SHANK2: variants seen among roughly 807,000 people sequenced by gnomAD.
SHANK2 encodes the protein SH3 and multiple ankyrin repeat domains protein 2.
Under a neutral mutation model 133.7 loss-of-function variants are expected in SHANK2, and 43 were observed. The ratio of observed to expected loss-of-function variants is 0.32; its 90% CI spans 0.25 to 0.41. The LOEUF is 0.41. Among genes scored for constraint, SHANK2 ranks in the 10% least tolerant of loss-of-function variants. The pLI, the probability that SHANK2 is intolerant of heterozygous loss-of-function variation, is 1.00. For missense variants in SHANK2, 1,994 were observed against 2,235.8 expected, an observed-to-expected ratio of 0.89 and a Z score of 2.18; for synonymous variants, 1,017 against 952.8, an observed-to-expected ratio of 1.07 and a Z score of -1.24.
intron 10 of SHANK2, among the ~76,000 whole-genome samples, chr11:70,934,205 C>T (rs1403879580): frequency 7.0e-6 from 1 of 142,136 alleles, no homozygotes; most frequent in Admixed American, 7.5e-5. Context: ...GCACTCCAGC[C>T]TGGGCAACAG....
intron 11 of SHANK2, among the ~76,000 whole-genome samples, chr11:70,875,723 C>T (rs748926797): frequency 3.3e-5 from 5 of 151,944 alleles, no homozygotes; most frequent in African/African-American, 1.2e-4. Context: ...GGTGTGGTGA[C>T]GCATACCTGT....
chr11:71,190,799 C>G (rs1953777836), intron 2 of SHANK2, among the ~76,000 whole-genome samples: 1 of 152,220 alleles, frequency 6.6e-6, no homozygotes, highest in South Asian at 2.1e-4. Flanking sequence ...CCTGCACGAA[C>G]CCATCATTTC....
At chr11:70,551,926 C>T (rs536768727) in intron 17 of SHANK2, among the ~76,000 whole-genome samples, 4 of 152,320 alleles carry the variant, frequency 2.6e-5, no homozygotes, top group South Asian at 2.1e-4. Flanking sequence ...ACTCTCTATG[C>T]GCCAAGCCTG....
chr11:71,234,984 G>A (rs998491430), intron 1 of SHANK2, among the ~76,000 whole-genome samples: 26 of 152,102 alleles, frequency 1.7e-4, no homozygotes, highest in African/African-American at 4.1e-4. Context: ...ACCGTACAAC[G>A]GAGTATCTCC....
chr11:71,246,249 C>A (rs1323375035), intron 1 of SHANK2, among the ~76,000 whole-genome samples: 1 of 152,096 alleles, frequency 6.6e-6, no homozygotes, highest in Non-Finnish European at 1.5e-5. Flanking sequence ...CCAGGACCCA[C>A]CCCAGTGGAC....
chr11:70,485,263 C>T lies in SHANK2; in HGVS notation c.4979+51G>A. On this transcript the variant is annotated intron_variant, in intron 25 of 25. Coordinates refer to ENST00000601538, the MANE Select transcript of SHANK2 (RefSeq NM_012309.5). The surrounding 1 kb of genome is among the most constrained non-coding windows in gnomAD (Gnocchi z 5.8). ...CTACCCGAGGGCCTTTCCTGGTCAG[C>T]AGGGACAGTGCACGCAGAGCGGTGT... 1.3e-6 allele frequency: 2 copies of T among 1,525,004 alleles called. No homozygotes were observed. The highest frequency in any genetic ancestry group is 3.3e-5 in the Admixed American group (2 of 59,912). 94.5% of individuals were successfully genotyped at this position (1,525,004 alleles called of 1,614,324 possible).
At chr11:71,130,165 G>A (rs1472934172) in intron 3 of SHANK2, among the ~76,000 whole-genome samples, 3 of 152,212 alleles carry the variant, frequency 2.0e-5, no homozygotes, top group Non-Finnish European at 2.9e-5. Context: ...CCTGGGCTAT[G>A]ACTTCATTCA....
intron 14 of SHANK2, among the ~76,000 whole-genome samples, chr11:70,750,450 C>T (rs1946731005): frequency 6.6e-6 from 1 of 152,200 alleles, no homozygotes; most frequent in Admixed American, 6.5e-5. Context: ...TGGAGGAATC[C>T]CCATTGCTTT....
intron 17 of SHANK2, among the ~76,000 whole-genome samples, chr11:70,561,412 A>G (rs2059907238): frequency 1.3e-5 from 2 of 151,704 alleles, no homozygotes; most frequent in Non-Finnish European, 2.9e-5. Flanking sequence ...TTGGCCTCCC[A>G]AAGTGCATCG....
At chr11:71,186,309 G>A (rs781855056) in intron 2 of SHANK2, among the ~76,000 whole-genome samples, 1 of 152,184 alleles carries the variant, frequency 6.6e-6, no homozygotes, top group African/African-American at 2.4e-5. Context: ...CAGTCATTCG[G>A]TGGAGTGGAC....
chr11:71,213,748 C>T (rs1174191142), intron 2 of SHANK2, among the ~76,000 whole-genome samples: 4 of 152,130 alleles, frequency 2.6e-5, no homozygotes, highest in African/African-American at 9.7e-5. Flanking sequence ...GCCAGCCTGC[C>T]GCCTCCATCC....
At chr11:70,731,030 C>T (rs1264159479) in intron 14 of SHANK2, among the ~76,000 whole-genome samples, 1 of 152,036 alleles carries the variant, frequency 6.6e-6, no homozygotes, top group Non-Finnish European at 1.5e-5. Context: ...AACCTGTGTG[C>T]CCGCAACACA....
intron 11 of SHANK2, among the ~76,000 whole-genome samples, chr11:70,866,737 A>AAATACG (rs1555069097): frequency 1.3e-5 from 2 of 152,256 alleles, no homozygotes; most frequent in East Asian, 3.9e-4. Context: ...TGTGATTTCT[A>AAATACG]AAGGTCCACT....
At chr11:70,857,096 C>T (rs73534041) in intron 11 of SHANK2, among the ~76,000 whole-genome samples, 5,039 of 152,286 alleles carry the variant, frequency 0.033, 249 homozygotes, top group African/African-American at 0.11. Flanking sequence ...ATTTCCCTGA[C>T]GATGGCCCCA....
At chr11:70,861,162 T>G (rs532077969) in intron 11 of SHANK2, among the ~76,000 whole-genome samples, 1 of 152,338 alleles carries the variant, frequency 6.6e-6, no homozygotes, top group Admixed American at 6.5e-5. Context: ...GCCACTTCCC[T>G]GAGGGTTTTA....
chr11:70,695,281 G>C (rs1197735398), intron 15 of SHANK2, among the ~76,000 whole-genome samples: 1 of 151,726 alleles, frequency 6.6e-6, no homozygotes, highest in African/African-American at 2.4e-5. Flanking sequence ...CACTAGACTA[G>C]TGATTCACTT....
At chr11:70,802,140 T>C (rs1948059931) in intron 13 of SHANK2, among the ~76,000 whole-genome samples, 3 of 152,130 alleles carry the variant, frequency 2.0e-5, no homozygotes, top group African/African-American at 7.2e-5. Flanking sequence ...CTGGGGGCCC[T>C]GGGAAACCTG....
intron 1 of SHANK2, among the ~76,000 whole-genome samples, chr11:71,229,074 G>A (rs949700671): frequency 1.2e-4 from 18 of 152,112 alleles, no homozygotes; most frequent in Admixed American, 8.5e-4. Flanking sequence ...AAAACAAGAT[G>A]GGAATTTCCC....
intron 14 of SHANK2, among the ~76,000 whole-genome samples, chr11:70,738,092 C>T (rs573086758): frequency 3.3e-5 from 5 of 152,384 alleles, no homozygotes; most frequent in African/African-American, 4.8e-5. Context: ...CCTTGCATAT[C>T]GCATGGTTGG....
Sources: gnomAD v4.1 joint callset for allele counts (sites outside exome capture counted in the v4.1 genomes callset) on GRCh38, gnomAD v4.1.1 for gene constraint, Gnocchi (gnomAD v3.1) non-coding constraint, MANE v1.5 for transcripts, NCBI Gene and HGNC (gene_info 2026-07-23, HGNC 2026-07-21) for gene names.